SPG11: variants seen among roughly 807,000 people sequenced by gnomAD.
The protein encoded by SPG11 is SPG11 vesicle trafficking associated, spatacsin, also known as spatacsin.
SPG11 carries 222 observed loss-of-function variants against 274.0 expected under a neutral mutation model. The observed-to-expected ratio is 0.81, with a 90% CI of 0.73 to 0.91. The LOEUF is 0.91. SPG11 is among the 40% of genes least tolerant of loss of function. SPG11 has a pLI of 0.00. For synonymous variants in SPG11, 1,144 were observed against 1,039.7 expected (o/e 1.10, Z -1.93); for missense variants, 3,114 against 2,872.7 (o/e 1.08, Z -1.92).
intron 26 of SPG11, among the ~76,000 whole-genome samples, chr15:44,592,740 A>T (rs894766196): frequency 2.0e-5 from 3 of 152,134 alleles, no homozygotes; most frequent in African/African-American, 7.2e-5. Context: ...GAATCACTTG[A>T]ACCTGGGAGG....
Position 44,663,627 on chromosome 15 carries a change from G to C in SPG11, c.21C>G (p.Val7=), listed in dbSNP as rs377135175. MAAEEG[V]ASAASAGGSW... ...TACCGCCGGCGGAAGCAGCACTCGC[G>C]ACCCCTTCCTCTGCAGCCATCTTGG... Residue 7 remains valine (V), a synonymous_variant, in exon 1 of 40, where the codon GTC becomes GTG. Transcript: ENST00000261866. The C allele has an allele frequency of 1.3e-5, 20 of 1,595,652 alleles. No homozygotes were observed. The highest frequency in any genetic ancestry group is 1.6e-5 in the Non-Finnish European group (19 of 1,176,360).
chr15:44,622,192 A>C (rs1274148409), intron 13 of SPG11, 28 bp downstream of exon 13: 37 of 1,602,716 alleles, frequency 2.3e-5, no homozygotes, highest in Non-Finnish European at 3.2e-5. Flanking sequence ...GTATTCTAAT[A>C]TTATCAAAAG....
Position 44,606,024 on chromosome 15 carries a change from C to T in SPG11, c.3520+1G>A, listed in dbSNP as rs2083308672. The T allele has an allele frequency of 1.2e-6, 2 of 1,613,280 alleles. No individual in the cohort carries two copies. The highest frequency in any genetic ancestry group is 1.7e-6 in the Non-Finnish European group (2 of 1,179,378). ...CTCAAGAAGTACCCATGATGACTTA[C>T]CTCCTATAGCTAGTGTGTTAGCAGA... On this transcript the variant is annotated splice_donor_variant, in intron 20 of 39. Transcript: ENST00000261866. LOFTEE classifies it high-confidence loss of function.
At position 44,602,232 on chromosome 15, in the gene SPG11, T is replaced by C. The variant is rs143487607; in HGVS notation, c.3521-1600A>G. Among the ~76,000 whole-genome samples the C allele has an allele frequency of 3.1e-3, 478 of 152,302 alleles. 1 individual carries two copies. Among genetic ancestry groups the C allele is most frequent in the Admixed American group, 5.4e-3 (83 of 15,300 alleles). On this transcript the variant is annotated intron_variant, in intron 20 of 39. Transcript: ENST00000261866. ...TTTTTTTTTGCTTAAATGCTCTGGC[T>C]AGGACTTCAACTACTATGTTGAACA...
chr15:44,595,482 A>C (rs2083012092), intron 25 of SPG11, 23 bp from the exon 26 acceptor site: 1 of 1,610,950 alleles, frequency 6.2e-7, no homozygotes. Context: ...AAATAAAATA[A>C]CAACTAGGCC....
chr15:44,570,616 G>C lies in SPG11; in HGVS notation c.6386C>G (p.Thr2129Arg), dbSNP rs375608115. The C allele has an allele frequency of 1.2e-6, 2 of 1,614,126 alleles. No individual in the cohort carries two copies. The highest frequency in any genetic ancestry group is 4.5e-5 in the East Asian group (2 of 44,880). Reference sequence around the variant, plus strand: ...TCGGATGATGCCCTCCATGTGGCACGTCAGGGTGAAGCAATGATGGGCCAG... The same window carrying C: ...TCGGATGATGCCCTCCATGTGGCACCTCAGGGTGAAGCAATGATGGGCCAG... ...LILAHHCFTL[T>R]CHMEGIIRVL... The change falls in exon 34 of 40, where the codon ACG becomes AGG. Residue 2129 changes from threonine (T) to arginine (R), a missense_variant. Transcript: ENST00000261866.
chr15:44,661,536 T>C (rs888504067), intron 1 of SPG11, among the ~76,000 whole-genome samples: 2 of 152,032 alleles, frequency 1.3e-5, no homozygotes, highest in African/African-American at 4.8e-5. Context: ...TAAGAGTACA[T>C]AATAGTATTA....
rs1156807628 is a variant in SPG11, at chr15:44,574,575, C to T, written c.6006+327G>A. Among the ~76,000 whole-genome samples the T allele has an allele frequency of 3.3e-5, 5 of 152,178 alleles. No homozygotes were observed. The South Asian group carries it at 1.0e-3, about 32-fold the overall frequency. On this transcript the variant is annotated intron_variant, in intron 31 of 39. Transcript: ENST00000261866. ...CACATTCCATATGGAATGCTCCACA[C>T]AATCATAATGCAAAACCCAAGATAT...
intron 28 of SPG11, among the ~76,000 whole-genome samples, chr15:44,588,038 C>A (rs776559565): frequency 5.3e-5 from 8 of 152,164 alleles, no homozygotes; most frequent in Non-Finnish European, 1.2e-4. Flanking sequence ...AGATCCACAG[C>A]CTGCAACAAC....
Position 44,570,677 on chromosome 15 carries a change from G to C in SPG11, c.6344-19C>G. On this transcript the variant is annotated intron_variant, in intron 33 of 39. Coordinates refer to ENST00000261866, the MANE Select transcript of SPG11 (RefSeq NM_025137.4). ...TCTGTGGCTGGGAGGGTGGGCACTG[G>C]TAAGATAAGATTATGAACCCTGGCT... 2.5e-6 allele frequency: 4 copies of C among 1,612,682 alleles called. No individual in the cohort carries two copies. The highest frequency in any genetic ancestry group is 1.3e-5 in the African/African-American group (1 of 75,014).
chr15:44,588,294 CA>C (rs200671861), intron 28 of SPG11, among the ~76,000 whole-genome samples: 26 of 134,698 alleles, frequency 1.9e-4, no homozygotes, highest in Admixed American at 3.0e-4. Context: ...GAGGAATCTG[CA>C]AAAAAAAAAA....
At chr15:44,598,139 T>C in intron 23 of SPG11, 126 bp downstream of exon 23, 1 of 702,940 alleles carries the variant, frequency 1.4e-6, no homozygotes, top group Non-Finnish European at 2.6e-6. Flanking sequence ...ACATGCTAGA[T>C]AAAGAAGAAG....
chr15:44,591,341 T>C (rs545008452), intron 27 of SPG11, among the ~76,000 whole-genome samples: 3 of 152,228 alleles, frequency 2.0e-5, no homozygotes, highest in Non-Finnish European at 4.4e-5. Flanking sequence ...ATACTTCTAT[T>C]CTTTTTTAAA....
chr15:44,581,964 A>C (rs1173936321), intron 30 of SPG11, among the ~76,000 whole-genome samples: 1 of 152,198 alleles, frequency 6.6e-6, no homozygotes, highest in Non-Finnish European at 1.5e-5. Context: ...ATGTTCAAAT[A>C]ACCCAAAAAG....
At chr15:44,595,161 T>C in intron 26 of SPG11, 98 bp downstream of exon 26, 1 of 1,217,944 alleles carries the variant, frequency 8.2e-7, no homozygotes, top group Non-Finnish European at 1.2e-6. Context: ...TGTTGTTGGC[T>C]AAAAAAAAAT....
chr15:44,585,602 TAA>T lies in SPG11; in HGVS notation c.5121+32_5121+33del, dbSNP rs34800368. ...GGGTGACAGAGCAAGACCCCGTATCTAAAAAAAAAAAAAAAAAAAAAGACCGA... is the reference window on the plus strand; with the variant it reads ...GGGTGACAGAGCAAGACCCCGTATCTAAAAAAAAAAAAAAAAAAAGACCGA... On this transcript the variant is annotated intron_variant, in intron 29 of 39. Coordinates refer to ENST00000261866, the MANE Select transcript of SPG11 (RefSeq NM_025137.4). The T allele has an allele frequency of 0.095, 105,041 of 1,108,884 alleles. No homozygotes were observed. Among genetic ancestry groups the T allele is most frequent in the Non-Finnish European group, 0.099 (81,020 of 815,290 alleles). 68.7% of individuals were successfully genotyped at this position (1,108,884 alleles called of 1,614,324 possible).
chr15:44,611,452 T>C (rs1360715399), intron 17 of SPG11, among the ~76,000 whole-genome samples: 2 of 152,098 alleles, frequency 1.3e-5, no homozygotes, highest in Admixed American at 1.3e-4. Flanking sequence ...ATACTACCTA[T>C]CCAATTAGCA....
chr15:44,654,368 C>T (rs935531262), intron 4 of SPG11, among the ~76,000 whole-genome samples: 4 of 152,072 alleles, frequency 2.6e-5, no homozygotes, highest in East Asian at 1.9e-4. Flanking sequence ...ATTAGCTGGG[C>T]GTGGTGGCAC....
In SPG11 at chr15:44,596,871, G is replaced by A. The variant is rs1356414563; in HGVS notation, c.4074C>T (p.Ser1358=). 2 of 1,613,758 alleles carry A rather than the reference G, an allele frequency of 1.2e-6. No individual in the cohort carries two copies. The highest frequency in any genetic ancestry group is 1.7e-6 in the Non-Finnish European group (2 of 1,179,962). ...QFCRLHNMKL[S]ISYLRECAKA... ...TGGCACATTCTCTAAGGTAAGATAT[G>A]CTTAGTTTCATATTGTGTAGCCTGC... The change falls in exon 24 of 40, where the codon AGC becomes AGT. Residue 1358 remains serine (S), a synonymous_variant. Transcript: ENST00000261866.
Sources: gnomAD v4.1 joint callset for allele counts (sites outside exome capture counted in the v4.1 genomes callset) on GRCh38, gnomAD v4.1.1 for gene constraint, MANE v1.5 for transcripts, NCBI Gene and HGNC (gene_info 2026-07-23, HGNC 2026-07-21) for gene names.